STXBP6: variants seen among roughly 807,000 people sequenced by gnomAD.
STXBP6 encodes the protein syntaxin-binding protein 6.
A neutral mutation model predicts 26.9 loss-of-function variants in STXBP6; 21 were observed. The observed-to-expected ratio is 0.78, with a 90% confidence interval of 0.55 to 1.12. The LOEUF (loss-of-function observed/expected upper bound fraction) is 1.12, where lower values mean the gene tolerates loss of function less well. STXBP6 is among the 50% of genes most tolerant of loss of function. STXBP6 has a pLI of 0.00. For synonymous variants in STXBP6, 97 were observed against 92.6 expected (o/e 1.05, Z -0.27); for missense variants, 232 against 257.9 (o/e 0.90, Z 0.69).
chr14:24,946,503 A>T (rs77158056), intron 2 of STXBP6, among the ~76,000 whole-genome samples: 1 of 152,208 alleles, frequency 6.6e-6, no homozygotes, highest in African/African-American at 2.4e-5. Context: ...GCAGAGAAGG[A>T]TTGACTATGA....
At chr14:24,896,885 T>C (rs1338171273) in intron 2 of STXBP6, among the ~76,000 whole-genome samples, 1 of 152,182 alleles carries the variant, frequency 6.6e-6, no homozygotes, top group East Asian at 1.9e-4. Flanking sequence ...TAAGTGTTAG[T>C]GGGGCCCAAG....
At position 24,851,560 on chromosome 14, in the gene STXBP6, C is replaced by A. The variant is rs531835919; in HGVS notation, c.451+4376G>T. Among the ~76,000 whole-genome samples, 14 of 152,200 alleles carry A rather than the reference C, an allele frequency of 9.2e-5. No individual in the cohort carries two copies. The East Asian group carries it at 2.7e-3, about 29-fold the overall frequency. Reference sequence around the variant, plus strand: ...TGAAATGAATTAGCTGAAAGCAAGTCCCTCCTGTGGAGTCTAATAACACGT... The same window carrying A: ...TGAAATGAATTAGCTGAAAGCAAGTACCTCCTGTGGAGTCTAATAACACGT... On this transcript the variant is annotated intron_variant, in intron 4 of 5. Transcript: ENST00000323944.
chr14:24,930,148 G>A (rs1198764275), intron 2 of STXBP6, among the ~76,000 whole-genome samples: 1 of 152,222 alleles, frequency 6.6e-6, no homozygotes, highest in African/African-American at 2.4e-5. Flanking sequence ...ACTTTAAGTG[G>A]TAACATATTG....
chr14:25,034,148 G>T (rs775552693), intron 1 of STXBP6, among the ~76,000 whole-genome samples: 4 of 152,134 alleles, frequency 2.6e-5, no homozygotes, highest in Non-Finnish European at 5.9e-5. Flanking sequence ...TTTTGATAAA[G>T]GTAGGGGAAG....
intron 1 of STXBP6, among the ~76,000 whole-genome samples, chr14:25,044,201 C>T (rs1331803075): frequency 2.1e-5 from 3 of 140,438 alleles, no homozygotes; most frequent in South Asian, 2.4e-4. Flanking sequence ...AAAAGGAATA[C>T]GGCTGCTATG....
At chr14:24,818,732 C>G (rs899934201) in intron 5 of STXBP6, among the ~76,000 whole-genome samples, 17 of 152,146 alleles carry the variant, frequency 1.1e-4, no homozygotes, top group African/African-American at 4.1e-4. Flanking sequence ...ACCCCCTGTT[C>G]TGTGCCTCGA....
At chr14:24,925,561 C>T (rs943688640) in intron 2 of STXBP6, among the ~76,000 whole-genome samples, 3 of 152,162 alleles carry the variant, frequency 2.0e-5, no homozygotes, top group East Asian at 1.9e-4. Flanking sequence ...ACAGCTGTCC[C>T]GTCCCCAAGG....
intron 2 of STXBP6, among the ~76,000 whole-genome samples, chr14:24,907,744 A>G (rs1292796536): frequency 6.6e-6 from 1 of 152,178 alleles, no homozygotes; most frequent in Non-Finnish European, 1.5e-5. Context: ...CATTCTGTCC[A>G]TGAAAGAGAC....
chr14:24,832,424 C>T (rs528686335), intron 4 of STXBP6, among the ~76,000 whole-genome samples: 2 of 152,194 alleles, frequency 1.3e-5, no homozygotes, highest in East Asian at 1.9e-4. Context: ...TGTGAATGAG[C>T]GGATATGCTA....
At chr14:24,819,888 T>A (rs950223230) in intron 4 of STXBP6, among the ~76,000 whole-genome samples, 14 of 152,112 alleles carry the variant, frequency 9.2e-5, no homozygotes, top group Admixed American at 2.0e-4. Flanking sequence ...CTCAGGACCA[T>A]ACTTAACCAG....
chr14:24,906,271 A>T (rs1164174616), intron 2 of STXBP6, among the ~76,000 whole-genome samples: 2 of 152,222 alleles, frequency 1.3e-5, no homozygotes, highest in African/African-American at 4.8e-5. Context: ...GGCTAAAAAT[A>T]TGCAGGGTTA....
At chr14:24,974,606 G>A (rs772004357) in intron 2 of STXBP6, 59 bp downstream of exon 2, 1 of 1,448,654 alleles carries the variant, frequency 6.9e-7, no homozygotes, top group East Asian at 2.5e-5. Context: ...GGATACCTCA[G>A]AATGAACTGT....
chr14:25,020,622 C>T (rs1469719734), intron 1 of STXBP6, among the ~76,000 whole-genome samples: 1 of 152,146 alleles, frequency 6.6e-6, no homozygotes, highest in Admixed American at 6.5e-5. Flanking sequence ...CCACCTGAGA[C>T]ACCTACCACC....
chr14:24,969,888 G>T (rs2073849567), intron 2 of STXBP6, among the ~76,000 whole-genome samples: 2 of 152,156 alleles, frequency 1.3e-5, no homozygotes, highest in African/African-American at 4.8e-5. Context: ...ACCTTAGGAG[G>T]TGCATGGAGA....
intron 4 of STXBP6, among the ~76,000 whole-genome samples, chr14:24,850,193 GAACA>G (rs976619720): frequency 5.9e-5 from 9 of 152,100 alleles, no homozygotes; most frequent in African/African-American, 2.2e-4. Context: ...TGGAAGAAAA[GAACA>G]AACAAAGTCA....
chr14:25,048,358 C>T (rs2075756703), intron 1 of STXBP6, among the ~76,000 whole-genome samples: 1 of 152,218 alleles, frequency 6.6e-6, no homozygotes, highest in African/African-American at 2.4e-5. Context: ...AACTTAAGTT[C>T]AGAGTGACTA....
chr14:24,976,838 G>A (rs914151065), intron 1 of STXBP6, among the ~76,000 whole-genome samples: 6 of 139,454 alleles, frequency 4.3e-5, no homozygotes, highest in African/African-American at 1.5e-4. Context: ...AAAGTCCTGA[G>A]CTGACTGGGC....
chr14:24,837,398 C>A (rs1298197894), intron 4 of STXBP6, among the ~76,000 whole-genome samples: 1 of 152,176 alleles, frequency 6.6e-6, no homozygotes, highest in Non-Finnish European at 1.5e-5. Flanking sequence ...TATTTGAAAT[C>A]TGAAATTGCT....
At chr14:24,976,852 C>CTTTTTT (rs71121808) in intron 1 of STXBP6, among the ~76,000 whole-genome samples, 562 of 45,264 alleles carry the variant, frequency 0.012, 118 homozygotes, top group African/African-American at 0.031. Context: ...ACTGGGCGCT[C>CTTTTTT]TTTTTTTTTT....
Sources: gnomAD v4.1 joint callset for allele counts (sites outside exome capture counted in the v4.1 genomes callset) on GRCh38, gnomAD v4.1.1 for gene constraint, MANE v1.5 for transcripts, NCBI Gene and HGNC (gene_info 2026-07-23, HGNC 2026-07-21) for gene names.